DCUN1D5: variants seen among roughly 807,000 people sequenced by gnomAD.
DCUN1D5 encodes defective in cullin neddylation 1 domain containing 5.
Under a neutral mutation model 38.3 loss-of-function variants are expected in DCUN1D5, and 10 were observed. The observed-to-expected ratio is 0.26, with a 90% CI of 0.16 to 0.44. The LOEUF (loss-of-function observed/expected upper bound fraction) is 0.44. Ranked by LOEUF, DCUN1D5 falls within the 20% of genes least tolerant of loss-of-function variation. The probability of loss-of-function intolerance (pLI) is 1.00; values close to 1 mark genes in which losing one functional copy is unlikely to be tolerated. For missense variants in DCUN1D5, 148 were observed against 275.3 expected (o/e 0.54, Z 3.27); for synonymous variants, 93 against 90.9 (o/e 1.02, Z -0.13).
Position 103,091,516 on chromosome 11 carries a change from A to G in DCUN1D5, c.86+271T>C. 2 of 441,292 alleles carry G rather than the reference A, an allele frequency of 4.5e-6. No individual in the cohort carries two copies. Among genetic ancestry groups the G allele is most frequent in the South Asian group, 4.5e-5 (2 of 44,368 alleles). 27.3% of individuals were successfully genotyped at this position (441,292 alleles called of 1,614,324 possible). A position where few individuals can be genotyped will look rare whatever the true frequency, so the allele number is the denominator to read the frequency against. The stretch of plus-strand genomic sequence containing the variant: ...GGGGGTGGGGGGAAGCGCAATTTAC[A>G]TATGCATCTGTTCCCCACCCTGCAG... On this transcript the variant is annotated intron_variant, in intron 1 of 7. Transcript: ENST00000260247. The surrounding 1 kb of genome is among the most constrained non-coding windows in gnomAD (Gnocchi z 4.3).
chr11:103,056,016 C>T lies in DCUN1D5; in HGVS notation c.*6343G>A, dbSNP rs986545314. On this transcript the variant is annotated 3_prime_UTR_variant, in exon 8 of 8. Coordinates refer to ENST00000260247, the MANE Select transcript of DCUN1D5 (RefSeq NM_032299.4). The surrounding 1 kb of genome is among the most constrained non-coding windows in gnomAD (Gnocchi z 4.9). ...TCATTCTTTTTTTCATACCTCACAT[C>T]CATTCTATCAGCATATCCTTTTGGT... 6.6e-6 allele frequency among the ~76,000 whole-genome samples: 1 copy of T among 152,154 alleles called. No individual in the cohort carries two copies. Among genetic ancestry groups the T allele is most frequent in the African/African-American group, 2.4e-5 (1 of 41,440 alleles).
In DCUN1D5 at chr11:103,056,216, T is replaced by G. The variant is rs1201268407; in HGVS notation, c.*6143A>C. ...GCTAGCTCACTCAGTAAAGTCCTACTCTTGAGAAAGGGCTATAATGCCCTA... is the reference window on the plus strand; with the variant it reads ...GCTAGCTCACTCAGTAAAGTCCTACGCTTGAGAAAGGGCTATAATGCCCTA... On this transcript the variant is annotated 3_prime_UTR_variant, in exon 8 of 8. Coordinates refer to ENST00000260247, the MANE Select transcript of DCUN1D5 (RefSeq NM_032299.4). This position sits in a 1 kb window ranked among gnomAD's most constrained non-coding sequence, Gnocchi z 4.9. Among the ~76,000 whole-genome samples the G allele has an allele frequency of 6.6e-6, 1 of 152,196 alleles. No homozygotes were observed. Among genetic ancestry groups the G allele is most frequent in the East Asian group, 1.9e-4 (1 of 5,204 alleles).
In DCUN1D5 at chr11:103,080,963, C is replaced by T. The variant is rs570194937; in HGVS notation, c.341+1785G>A. Reference sequence around the variant, plus strand: ...GGCGGAGGTTGCAGTGAGCCAAGATCGCGCCACTGTACTGTAGCCTGGCGA... The same window carrying T: ...GGCGGAGGTTGCAGTGAGCCAAGATTGCGCCACTGTACTGTAGCCTGGCGA... On this transcript the variant is annotated intron_variant, in intron 4 of 7. Transcript: ENST00000260247. Among the ~76,000 whole-genome samples the T allele has an allele frequency of 5.3e-5, 8 of 151,614 alleles. No individual in the cohort carries two copies. In the East Asian group the frequency reaches 1.6e-3, roughly 29 times the overall value.
rs71066136 is a variant in DCUN1D5, at chr11:103,051,501, T to TCCCCCCCCCC, written c.*10848_*10857dup. 40 of 111,448 alleles carry TCCCCCCCCCC rather than the reference T, an allele frequency of 3.6e-4. No individual in the cohort carries two copies. The highest frequency in any genetic ancestry group is 6.3e-4 in the East Asian group (2 of 3,160). The allele number at this position is 111,448 out of a possible 1,614,324, so 6.9% of individuals were successfully genotyped here. A position where few individuals can be genotyped will look rare whatever the true frequency, so the allele number is the denominator to read the frequency against. Reference sequence around the variant, plus strand: ...GATTTGGTGGCTTCACATATTTACTTCCCCCCCCCCCCCGCCACCCCTGTG... The same window carrying TCCCCCCCCCC: ...GATTTGGTGGCTTCACATATTTACTTCCCCCCCCCCCCCCCCCCCCCCCGCCACCCCTGTG... On this transcript the variant is annotated 3_prime_UTR_variant, in exon 8 of 8. Transcript: ENST00000260247.
rs572937680 is a variant in DCUN1D5, at chr11:103,086,589, A to G, written c.178+2638T>C. 9.2e-4 allele frequency among the ~76,000 whole-genome samples: 140 copies of G among 152,182 alleles called. No homozygotes were observed. The highest frequency in any genetic ancestry group is 6.8e-3 in the Middle Eastern group (2 of 294). ...GAACCTCACCATATTTATTATCCTT[A>G]TAACTCCCCACAATCTGTACTTATC... is the stretch of plus-strand genomic sequence containing the variant. On this transcript the variant is annotated intron_variant, in intron 2 of 7. Transcript: ENST00000260247. The surrounding 1 kb of genome is among the most constrained non-coding windows in gnomAD (Gnocchi z 4.1).
At position 103,056,396 on chromosome 11, in the gene DCUN1D5, T is replaced by C. The variant is rs1176853255; in HGVS notation, c.*5963A>G. Among the ~76,000 whole-genome samples the C allele has an allele frequency of 3.3e-5, 5 of 152,206 alleles. No individual in the cohort carries two copies. The East Asian group carries it at 9.6e-4, about 29-fold the overall frequency. ...ACCAGCTCAGGGCCTTAGCATGTAATATTCCTTCTGCCTGGAATGCTCTCC... is the reference window on the plus strand; with the variant it reads ...ACCAGCTCAGGGCCTTAGCATGTAACATTCCTTCTGCCTGGAATGCTCTCC... On this transcript the variant is annotated 3_prime_UTR_variant, in exon 8 of 8. Transcript: ENST00000260247. This position sits in a 1 kb window ranked among gnomAD's most constrained non-coding sequence, Gnocchi z 4.9.
In DCUN1D5 at chr11:103,092,064, G is replaced by C. The variant is rs1005301681; in HGVS notation, c.-192C>G. The C allele has an allele frequency of 3.2e-5, 19 of 587,710 alleles. No homozygotes were observed. The highest frequency in any genetic ancestry group is 1.7e-4 in the African/African-American group (9 of 53,272). The allele number at this position is 587,710 out of a possible 1,614,324, so 36.4% of individuals were successfully genotyped here. On this transcript the variant is annotated 5_prime_UTR_variant, in exon 1 of 8. Transcript: ENST00000260247. ...GTATCCTCGTCGTCTTTCTCTGACC[G>C]GGACAGGGCTGGCTCCTCGCCGGTG...
Position 103,060,184 on chromosome 11 carries a change from T to C in DCUN1D5, c.*2175A>G, listed in dbSNP as rs1423858897. ...TATAACTTTAAGAAGGTAAGAGAAA[T>C]AGATGGAGCAATAGAGTAAAGCAAG... On this transcript the variant is annotated 3_prime_UTR_variant, in exon 8 of 8. Coordinates refer to ENST00000260247, the MANE Select transcript of DCUN1D5 (RefSeq NM_032299.4). 1.3e-5 allele frequency among the ~76,000 whole-genome samples: 2 copies of C among 151,982 alleles called. No individual in the cohort carries two copies. The highest frequency in any genetic ancestry group is 2.9e-5 in the Non-Finnish European group (2 of 68,006).
intron 4 of DCUN1D5, among the ~76,000 whole-genome samples, chr11:103,074,296 ATC>A (rs1399913325): frequency 6.6e-6 from 1 of 152,186 alleles, no homozygotes; most frequent in African/African-American, 2.4e-5. Context: ...GTTCGTTAGC[ATC>A]TCTTTCACAT....
In DCUN1D5 at chr11:103,064,183, A is replaced by T; in HGVS notation, c.658+92T>A. ...TAAATAAGTTACTATTACAAAGTTTAAAACCTCTATGCTAATACTACACAA... is the reference window on the plus strand; with the variant it reads ...TAAATAAGTTACTATTACAAAGTTTTAAACCTCTATGCTAATACTACACAA... On this transcript the variant is annotated intron_variant, in intron 7 of 7. Transcript: ENST00000260247. The surrounding 1 kb of genome is among the most constrained non-coding windows in gnomAD (Gnocchi z 4.5). 1.1e-6 allele frequency: 1 copy of T among 932,570 alleles called. No individual in the cohort carries two copies. The allele number at this position is 932,570 out of a possible 1,614,324, so 57.8% of individuals were successfully genotyped here.
chr11:103,082,961 C>A (rs1591224733), intron 3 of DCUN1D5, 122 bp from the exon 4 acceptor site: 1 of 720,708 alleles, frequency 1.4e-6, no homozygotes, highest in East Asian at 2.7e-5. Context: ...AAGAGTACAA[C>A]CTCTGGAATT....
chr11:103,066,234 A>T lies in DCUN1D5; in HGVS notation c.555+35T>A, dbSNP rs888436784. ...GTATAACTTTCAGATTAAGTTTTAA[A>T]ATAATATTTTCAAAATTCGAAAAAA... On this transcript the variant is annotated intron_variant, in intron 6 of 7. Transcript: ENST00000260247. The surrounding 1 kb of genome is among the most constrained non-coding windows in gnomAD (Gnocchi z 4.7). 1 of 1,334,160 alleles carries T rather than the reference A, an allele frequency of 7.5e-7. No individual in the cohort carries two copies. Among genetic ancestry groups the T allele is most frequent in the Non-Finnish European group, 1.0e-6 (1 of 964,490 alleles). The allele number at this position is 1,334,160 out of a possible 1,614,324, so 82.6% of individuals were successfully genotyped here. A position where few individuals can be genotyped will look rare whatever the true frequency, so the allele number is the denominator to read the frequency against.
Position 103,089,214 on chromosome 11 carries a change from T to G in DCUN1D5, c.178+13A>C, listed in dbSNP as rs779369174. 5 of 1,611,128 alleles carry G rather than the reference T, an allele frequency of 3.1e-6. No individual in the cohort carries two copies. The highest frequency in any genetic ancestry group is 4.2e-6 in the Non-Finnish European group (5 of 1,177,830). ...AGCATATGACTAGTATCTTCTTATA[T>G]TAATTTCATTACCTGCATATTCATA... On this transcript the variant is annotated intron_variant, in intron 2 of 7. Transcript: ENST00000260247.
chr11:103,082,841 T>A lies in DCUN1D5; in HGVS notation c.250-2A>T. The A allele has an allele frequency of 6.2e-7, 1 of 1,609,306 alleles. No homozygotes were observed. The highest frequency in any genetic ancestry group is 8.5e-7 in the Non-Finnish European group (1 of 1,176,226). On this transcript the variant is annotated splice_acceptor_variant, in intron 3 of 7. Transcript: ENST00000260247. LOFTEE classifies it high-confidence loss of function. ...CCACGCTAAAACTAACATAATAATCTGGAAAGAACAGAACATAAAGGATAG... is the reference window on the plus strand; with the variant it reads ...CCACGCTAAAACTAACATAATAATCAGGAAAGAACAGAACATAAAGGATAG...
chr11:103,090,907 G>C (rs1862845678), intron 1 of DCUN1D5, among the ~76,000 whole-genome samples: 1 of 152,238 alleles, frequency 6.6e-6, no homozygotes, highest in South Asian at 2.1e-4. Flanking sequence ...GGAAGACTCC[G>C]TCTCAGAAAA....
In DCUN1D5 at chr11:103,057,644, CAGG is replaced by C. The variant is rs1349056107; in HGVS notation, c.*4712_*4714del. Among the ~76,000 whole-genome samples the C allele has an allele frequency of 6.6e-6, 1 of 151,892 alleles. No individual in the cohort carries two copies. Among genetic ancestry groups the C allele is most frequent in the East Asian group, 1.9e-4 (1 of 5,188 alleles). ...TTGACGCACGAGAATCTCTTGAACC[CAGG>C]AGGTCGAGGCTGCAGTGAGCTGAGA... On this transcript the variant is annotated 3_prime_UTR_variant, in exon 8 of 8. Transcript: ENST00000260247. This position sits in a 1 kb window ranked among gnomAD's most constrained non-coding sequence, Gnocchi z 4.8.
rs1861998999 is a variant in DCUN1D5, at chr11:103,061,082, A to T, written c.*1277T>A. ...TTTCCCAGCTGATTAACTAAAAAGC[A>T]AACAATAAAACACTTTAAAATGTCA... On this transcript the variant is annotated 3_prime_UTR_variant, in exon 8 of 8. Coordinates refer to ENST00000260247, the MANE Select transcript of DCUN1D5 (RefSeq NM_032299.4). Among the ~76,000 whole-genome samples, 1 of 152,206 alleles carries T rather than the reference A, an allele frequency of 6.6e-6. No individual in the cohort carries two copies. Among genetic ancestry groups the T allele is most frequent in the South Asian group, 2.1e-4 (1 of 4,828 alleles).
chr11:103,082,365 A>G (rs1862587413), intron 4 of DCUN1D5, among the ~76,000 whole-genome samples: 1 of 152,102 alleles, frequency 6.6e-6, no homozygotes, highest in African/African-American at 2.4e-5. Context: ...TGAAGAAGGG[A>G]GAGGAGGCCC....
Position 103,081,623 on chromosome 11 carries a change from T to C in DCUN1D5, c.341+1125A>G, listed in dbSNP as rs17099912. Among the ~76,000 whole-genome samples the C allele has an allele frequency of 7.6e-3, 1,159 of 152,268 alleles. 12 individuals carry two copies. The highest frequency in any genetic ancestry group is 0.026 in the African/African-American group (1,076 of 41,570). ...TGAATTCTAGGTTCTAACTAAGCACTACTACTAAGGAACTGTGCCAAATAT... is the reference window on the plus strand; with the variant it reads ...TGAATTCTAGGTTCTAACTAAGCACCACTACTAAGGAACTGTGCCAAATAT... On this transcript the variant is annotated intron_variant, in intron 4 of 7. Coordinates refer to ENST00000260247, the MANE Select transcript of DCUN1D5 (RefSeq NM_032299.4).
Sources: gnomAD v4.1 joint callset for allele counts (sites outside exome capture counted in the v4.1 genomes callset) on GRCh38, gnomAD v4.1.1 for gene constraint, Gnocchi (gnomAD v3.1) non-coding constraint, MANE v1.5 for transcripts, NCBI Gene and HGNC (gene_info 2026-07-23, HGNC 2026-07-21) for gene names.